RAD51B: variants seen among roughly 807,000 people sequenced by gnomAD.
The protein encoded by RAD51B is RAD51 paralog B.
RAD51B carries 38 observed loss-of-function variants against 42.2 expected under a neutral mutation model. That is an observed-to-expected ratio of 0.90 (90% CI 0.70 to 1.18). The LOEUF is 1.18. Ranked by LOEUF, RAD51B falls within the 50% of genes most tolerant of loss-of-function variation. The probability of loss-of-function intolerance (pLI) is 0.00; values close to 1 mark genes in which losing one functional copy is unlikely to be tolerated. For missense variants in RAD51B, 373 were observed against 400.7 expected (o/e 0.93, Z 0.59); for synonymous variants, 154 against 145.2 (o/e 1.06, Z -0.43).
intron 8 of RAD51B, among the ~76,000 whole-genome samples, chr14:68,331,366 T>C (rs1595716630): frequency 7.1e-5 from 1 of 14,128 alleles, no homozygotes; most frequent in Non-Finnish European, 2.2e-4. Flanking sequence ...AGACTCTGTC[T>C]CAAAAAAAAA....
intron 7 of RAD51B, among the ~76,000 whole-genome samples, chr14:68,159,619 C>CAA (rs113802276): frequency 1.6e-5 from 1 of 62,084 alleles, no homozygotes. Context: ...AACTCCATCT[C>CAA]AAAAAAAAAA....
intron 8 of RAD51B, among the ~76,000 whole-genome samples, chr14:68,334,854 C>A (rs1566815643): frequency 1.4e-5 from 2 of 146,894 alleles, no homozygotes; most frequent in Non-Finnish European, 3.0e-5. Flanking sequence ...ATAGATATAT[C>A]ATATATTTTA....
chr14:67,852,122 C>T (rs564395813), intron 4 of RAD51B, among the ~76,000 whole-genome samples: 245 of 152,298 alleles, frequency 1.6e-3, no homozygotes, highest in Non-Finnish European at 2.5e-3. Context: ...CAGTTACCTC[C>T]GGGAGCTCTG....
At chr14:67,840,778 A>G (rs1594981695) in intron 4 of RAD51B, among the ~76,000 whole-genome samples, 2 of 148,504 alleles carry the variant, frequency 1.3e-5, no homozygotes, top group South Asian at 2.1e-4. Context: ...TTTTCTCTGC[A>G]CCCTTTCCAG....
intron 7 of RAD51B, among the ~76,000 whole-genome samples, chr14:67,900,061 G>A (rs370169088): frequency 6.6e-6 from 1 of 152,128 alleles, no homozygotes. Flanking sequence ...TCAATGGAAA[G>A]TCTCTAATTT....
intron 11 of RAD51B, among the ~76,000 whole-genome samples, chr14:68,652,459 T>G (rs1892722071): frequency 6.6e-6 from 1 of 152,210 alleles, no homozygotes; most frequent in Admixed American, 6.5e-5. Context: ...CAGCACTAGC[T>G]GTGGGAAAGG....
chr14:68,233,459 A>G (rs1371572370), intron 7 of RAD51B, among the ~76,000 whole-genome samples: 1 of 152,230 alleles, frequency 6.6e-6, no homozygotes, highest in Admixed American at 6.5e-5. Context: ...GTCATACTAT[A>G]AGGTCCATTC....
At position 68,332,272 on chromosome 14, in the gene RAD51B, G is replaced by A. The variant is rs148593011; in HGVS notation, c.853+40292G>A. On this transcript the variant is annotated intron_variant, in intron 8 of 10. Transcript: ENST00000471583. The stretch of plus-strand genomic sequence containing the variant: ...AACAGCTGGCTCTTTCAGTCTTGGT[G>A]TATACACACAAACACAAATGAGATA... Among the ~76,000 whole-genome samples the A allele has an allele frequency of 4.9e-4, 75 of 152,058 alleles. No individual in the cohort carries two copies. The East Asian group carries it at 0.011, about 22-fold the overall frequency.
intron 7 of RAD51B, among the ~76,000 whole-genome samples, chr14:68,080,918 A>C (rs2076903732): frequency 6.6e-6 from 1 of 152,206 alleles, no homozygotes; most frequent in South Asian, 2.1e-4. Flanking sequence ...CCACTCATTG[A>C]TAGAATTTCA....
chr14:68,092,739 G>A (rs1349482820), intron 7 of RAD51B, among the ~76,000 whole-genome samples: 1 of 152,080 alleles, frequency 6.6e-6, no homozygotes, highest in Non-Finnish European at 1.5e-5. Context: ...ACACTATGTT[G>A]AATAGGAGTG....
chr14:68,300,430 A>G (rs1343706958), intron 8 of RAD51B, among the ~76,000 whole-genome samples: 2 of 151,852 alleles, frequency 1.3e-5, no homozygotes, highest in Non-Finnish European at 2.9e-5. Context: ...GGCTGGTCTC[A>G]AACTCCTGGC....
In RAD51B at chr14:68,434,428, C is replaced by T. The variant is rs558954527; in HGVS notation, c.957+22901C>T. On this transcript the variant is annotated intron_variant, in intron 9 of 10. Transcript: ENST00000471583. ...TTCCCCGCCACTTTGTTTACCTATT[C>T]AAGCCTCAGCAATGGCAGGTGCCTC... Among the ~76,000 whole-genome samples, 4 of 152,326 alleles carry T rather than the reference C, an allele frequency of 2.6e-5. No individual in the cohort carries two copies. In the East Asian group the frequency reaches 7.7e-4, roughly 29 times the overall value.
chr14:68,313,586 A>T (rs1412794644), intron 8 of RAD51B, among the ~76,000 whole-genome samples: 1 of 152,132 alleles, frequency 6.6e-6, no homozygotes, highest in Non-Finnish European at 1.5e-5. Context: ...CTGCTGTGCA[A>T]ACTTGGCTCT....
intron 7 of RAD51B, among the ~76,000 whole-genome samples, chr14:67,921,160 C>T (rs1258345091): frequency 6.6e-6 from 1 of 152,178 alleles, no homozygotes; most frequent in Non-Finnish European, 1.5e-5. Flanking sequence ...GAATTTCACT[C>T]CAGACCTGGA....
intron 7 of RAD51B, among the ~76,000 whole-genome samples, chr14:67,962,138 T>C (rs1466746595): frequency 1.3e-5 from 2 of 152,142 alleles, no homozygotes; most frequent in African/African-American, 4.8e-5. Flanking sequence ...ATTTAATGGT[T>C]TGGAGTGAAA....
intron 7 of RAD51B, among the ~76,000 whole-genome samples, chr14:68,032,858 A>C (rs1313277756): frequency 6.6e-6 from 1 of 151,966 alleles, no homozygotes; most frequent in Non-Finnish European, 1.5e-5. Context: ...TACCCTGTGC[A>C]TGCCCTAGCT....
At chr14:68,187,293 G>A (rs888648772) in intron 7 of RAD51B, among the ~76,000 whole-genome samples, 4 of 151,974 alleles carry the variant, frequency 2.6e-5, no homozygotes, top group Admixed American at 1.3e-4. Context: ...CATTCATACC[G>A]CAAACCTCAG....
chr14:67,968,971 G>A (rs1220838773), intron 7 of RAD51B, among the ~76,000 whole-genome samples: 3 of 152,190 alleles, frequency 2.0e-5, no homozygotes, highest in East Asian at 3.9e-4. Flanking sequence ...GGAGGCCTGA[G>A]AATCATGGTG....
At chr14:68,599,067 A>T (rs187947905), downstream of RAD51B, among the ~76,000 whole-genome samples, 1 of 152,192 alleles carries the variant, frequency 6.6e-6, no homozygotes, top group Non-Finnish European at 1.5e-5. Context: ...CCTGCGCCGT[A>T]TCTGAGCTGG....
Sources: gnomAD v4.1 joint callset for allele counts (sites outside exome capture counted in the v4.1 genomes callset) on GRCh38, gnomAD v4.1.1 for gene constraint, MANE v1.5 for transcripts, NCBI Gene and HGNC (gene_info 2026-07-23, HGNC 2026-07-21) for gene names.